Variants in ARHGAP35 observed in about 807,000 individuals in gnomAD.
The protein encoded by ARHGAP35 is Rho GTPase activating protein 35.
Under a neutral mutation model 111.1 loss-of-function variants are expected in ARHGAP35, and 15 were observed. The ratio of observed to expected loss-of-function variants is 0.13; its 90% confidence interval spans 0.09 to 0.21. The LOEUF (loss-of-function observed/expected upper bound fraction) is 0.21. Among genes scored for constraint, ARHGAP35 ranks in the 10% least tolerant of loss-of-function variants. The pLI is 1.00. For missense variants in ARHGAP35, 1,262 were observed against 1,873.0 expected, an observed-to-expected ratio of 0.67 and a Z score of 6.02; for synonymous variants, 643 against 710.3, an observed-to-expected ratio of 0.91 and a Z score of 1.51.
chr19:46,888,305 T>A (rs1179928471), intron 1 of ARHGAP35, among the ~76,000 whole-genome samples: 2 of 64,406 alleles, frequency 3.1e-5, no homozygotes, highest in African/African-American at 6.1e-5. Flanking sequence ...TATATATATA[T>A]ATATATATAT....
At chr19:46,897,142 A>C (rs977166703) in intron 1 of ARHGAP35, among the ~76,000 whole-genome samples, 10 of 145,658 alleles carry the variant, frequency 6.9e-5, no homozygotes, top group East Asian at 2.0e-4. Context: ...CAAACAATCC[A>C]CCCGCCTCAG....
At chr19:46,875,409 C>T (rs1568458495) in intron 1 of ARHGAP35, among the ~76,000 whole-genome samples, 1 of 152,062 alleles carries the variant, frequency 6.6e-6, no homozygotes, top group Non-Finnish European at 1.5e-5. Context: ...GCTCAGTCTT[C>T]ATTGAATAAA....
chr19:46,932,622 C>T (rs2056279469), intron 2 of ARHGAP35, among the ~76,000 whole-genome samples: 1 of 152,100 alleles, frequency 6.6e-6, no homozygotes, highest in South Asian at 2.1e-4. Flanking sequence ...TGGCATGCAC[C>T]CCAAACCCTG....
In ARHGAP35 at chr19:47,000,231, G is replaced by T; in HGVS notation, c.4143-100G>T. Reference sequence around the variant, plus strand: ...ATGGCCTTTTCTGCTCCACCTGAGGGAAGAAAGGTGGGCTCAGCCTGGGTG... The same window carrying T: ...ATGGCCTTTTCTGCTCCACCTGAGGTAAGAAAGGTGGGCTCAGCCTGGGTG... On this transcript the variant is annotated intron_variant, in intron 6 of 6. Coordinates refer to ENST00000672722, the MANE Select transcript of ARHGAP35 (RefSeq NM_004491.5). The surrounding 1 kb of genome is among the most constrained non-coding windows in gnomAD (Gnocchi z 6.9). 7.8e-7 allele frequency: 1 copy of T among 1,281,746 alleles called. No homozygotes were observed. The highest frequency in any genetic ancestry group is 1.1e-6 in the Non-Finnish European group (1 of 918,750). 79.4% of individuals were successfully genotyped at this position (1,281,746 alleles called of 1,614,324 possible).
chr19:46,956,316 T>G (rs573139459), intron 3 of ARHGAP35, among the ~76,000 whole-genome samples: 2 of 151,656 alleles, frequency 1.3e-5, no homozygotes, highest in African/African-American at 2.4e-5. Flanking sequence ...AGACCCTGTC[T>G]CAAAAAAAAA....
chr19:46,873,727 G>A (rs1323860460), intron 1 of ARHGAP35, among the ~76,000 whole-genome samples: 2 of 150,746 alleles, frequency 1.3e-5, no homozygotes. Flanking sequence ...TCATTTTAAT[G>A]AGATTTAAAT....
chr19:46,890,889 G>A (rs527998526), intron 1 of ARHGAP35, among the ~76,000 whole-genome samples: 62 of 152,360 alleles, frequency 4.1e-4, no homozygotes, highest in Non-Finnish European at 8.1e-4. Flanking sequence ...CCCAGAGGGT[G>A]TGTAATACTG....
At chr19:46,881,005 C>T (rs557651772) in intron 1 of ARHGAP35, among the ~76,000 whole-genome samples, 262 of 143,596 alleles carry the variant, frequency 1.8e-3, no homozygotes, top group Middle Eastern at 7.6e-3. Flanking sequence ...AGTGCAATGG[C>T]GCGATCTCAG....
At position 46,999,530 on chromosome 19, in the gene ARHGAP35, G is replaced by A. The variant is rs547039297; in HGVS notation, c.4142+121G>A. 2.9e-6 allele frequency: 2 copies of A among 680,100 alleles called. No homozygotes were observed. The highest frequency in any genetic ancestry group is 2.8e-5 in the East Asian group (1 of 36,048). 42.1% of individuals were successfully genotyped at this position (680,100 alleles called of 1,614,324 possible). ...AAGCCTCAGGCCCTGGCCTGGAAGG[G>A]GTGCTGGCTGGCCTCCCATGGTGCC... On this transcript the variant is annotated intron_variant, in intron 6 of 6. Transcript: ENST00000672722. The surrounding 1 kb of genome is among the most constrained non-coding windows in gnomAD (Gnocchi z 5.4).
chr19:46,969,868 C>A (rs757965675), intron 3 of ARHGAP35, among the ~76,000 whole-genome samples: 57 of 152,242 alleles, frequency 3.7e-4, no homozygotes, highest in Non-Finnish European at 6.9e-4. Context: ...GTGAATACCC[C>A]CCTCCCACCT....
intron 1 of ARHGAP35, among the ~76,000 whole-genome samples, chr19:46,891,498 C>G (rs2056023598): frequency 6.6e-6 from 1 of 151,220 alleles, no homozygotes; most frequent in Non-Finnish European, 1.5e-5. Context: ...GCAATCTCGG[C>G]TCACTGCAAC....
intron 2 of ARHGAP35, among the ~76,000 whole-genome samples, chr19:46,935,125 G>T (rs1380568812): frequency 1.3e-5 from 2 of 152,180 alleles, no homozygotes; most frequent in African/African-American, 2.4e-5. Flanking sequence ...GAGCCTGTTT[G>T]CTTCAGTCTA....
chr19:46,892,762 A>T (rs1297895728), intron 1 of ARHGAP35, among the ~76,000 whole-genome samples: 1 of 151,188 alleles, frequency 6.6e-6, no homozygotes, highest in African/African-American at 2.4e-5. Context: ...TTGTCCTCAT[A>T]GTTCTTTCCA....
chr19:46,914,480 G>C (rs2056154166), intron 1 of ARHGAP35, among the ~76,000 whole-genome samples: 1 of 152,034 alleles, frequency 6.6e-6, no homozygotes, highest in African/African-American at 2.4e-5. Context: ...AGCCAGGCAT[G>C]ATGGCTTGCA....
Position 46,999,469 on chromosome 19 carries a change from G to A in ARHGAP35, c.4142+60G>A, listed in dbSNP as rs2056734074. ...CTGAAAATTGACAGCCAGGGTCAGT[G>A]TGTCGCAGAACAAGGCTCTGTCCAC... On this transcript the variant is annotated intron_variant, in intron 6 of 6. Transcript: ENST00000672722. This position sits in a 1 kb window ranked among gnomAD's most constrained non-coding sequence, Gnocchi z 5.4. The A allele has an allele frequency of 8.8e-7, 1 of 1,138,878 alleles. No individual in the cohort carries two copies. Among genetic ancestry groups the A allele is most frequent in the Non-Finnish European group, 1.3e-6 (1 of 777,088 alleles). 70.5% of individuals were successfully genotyped at this position (1,138,878 alleles called of 1,614,324 possible).
At chr19:46,941,194 C>T (rs1409581505) in intron 3 of ARHGAP35, among the ~76,000 whole-genome samples, 1 of 152,138 alleles carries the variant, frequency 6.6e-6, no homozygotes, top group African/African-American at 2.4e-5. Context: ...TATTTCTTTG[C>T]CTTAGGGCAT....
intron 3 of ARHGAP35, among the ~76,000 whole-genome samples, chr19:46,963,856 A>T (rs1316789526): frequency 1.3e-5 from 2 of 152,006 alleles, no homozygotes; most frequent in Non-Finnish European, 2.9e-5. Flanking sequence ...AGATTATTTT[A>T]TTTATTTATT....
At chr19:46,894,243 G>A (rs2056041552) in intron 1 of ARHGAP35, among the ~76,000 whole-genome samples, 1 of 152,182 alleles carries the variant, frequency 6.6e-6, no homozygotes, top group East Asian at 1.9e-4. Context: ...TAGATCTGGT[G>A]AACTTAGAAA....
intron 1 of ARHGAP35, among the ~76,000 whole-genome samples, chr19:46,904,075 G>A (rs1206724125): frequency 1.3e-5 from 2 of 152,130 alleles, no homozygotes; most frequent in Non-Finnish European, 2.9e-5. Context: ...CAGTCACTTT[G>A]ACTCTAGGGT....
Sources: allele counts gnomAD v4.1 joint callset (sites outside exome capture counted in the v4.1 genomes callset), GRCh38; gene constraint gnomAD v4.1.1; non-coding constraint Gnocchi (gnomAD v3.1); transcripts MANE v1.5; gene names NCBI Gene and HGNC (gene_info 2026-07-23, HGNC 2026-07-21).